The following OCM variants were observed in gnomAD, a reference collection of about 807,000 sequenced individuals.
The protein encoded by OCM is oncomodulin.
Under a neutral mutation model 14.1 loss-of-function variants are expected in OCM, and 18 were observed. The observed-to-expected ratio is 1.28, with a 90% CI of 0.88 to 1.89. The LOEUF (loss-of-function observed/expected upper bound fraction) is 1.89, where lower values mean the gene tolerates loss of function less well. Ranked by LOEUF, OCM falls within the 40% of genes most tolerant of loss-of-function variation. The pLI, the probability that OCM is intolerant of heterozygous loss-of-function variation, is 0.00. For synonymous variants in OCM, 48 were observed against 51.0 expected, an observed-to-expected ratio of 0.94 and a Z score of 0.25; for missense variants, 140 against 137.6, an observed-to-expected ratio of 1.02 and a Z score of -0.09.
the OCM span, among the ~76,000 whole-genome samples, chr7:5,873,027 C>T: frequency 3.9e-5 from 6 of 152,016 alleles, no homozygotes; most frequent in Non-Finnish European, 5.9e-5. Context: ...ACAATCGCAT[C>T]ATTGCACTCC....
At chr7:5,870,967 A>T in the OCM span, among the ~76,000 whole-genome samples, 8 of 150,964 alleles carry the variant, frequency 5.3e-5, no homozygotes, top group African/African-American at 2.0e-4. Context: ...GCTCACCGCA[A>T]CCTCCACCTT....
chr7:5,868,633 CCT>C, the OCM span, among the ~76,000 whole-genome samples: 153 of 152,190 alleles, frequency 1.0e-3, no homozygotes, highest in African/African-American at 3.5e-3. Context: ...AAGGAATTGT[CCT>C]CTCCTGCAGC....
chr7:5,871,066 G>C, the OCM span, among the ~76,000 whole-genome samples: 1 of 151,986 alleles, frequency 6.6e-6, no homozygotes, highest in Non-Finnish European at 1.5e-5. Flanking sequence ...TGCCCAGAAA[G>C]CCAGGCGCAG....
Position 5,880,917 on chromosome 7 carries a change from G to A in OCM, c.28G>A (p.Asp10Asn). MSITDVLSA[D>N]DIAAALQECR... is the part of the protein sequence containing the mutation. ...GAGCATCACGGACGTGCTCAGTGCT[G>A]ACGACATTGCAGCAGCGCTCCAGGA... Residue 10 changes from aspartate to asparagine, a missense_variant, in exon 1 of 4, where the codon GAC becomes AAC. Transcript: ENST00000242104. 6.2e-7 allele frequency: 1 copy of A among 1,614,042 alleles called. No homozygotes were observed. The highest frequency in any genetic ancestry group is 8.5e-7 in the Non-Finnish European group (1 of 1,179,982).
chr7:5,883,645 TCA>T (rs138768089), intron 2 of OCM, among the ~76,000 whole-genome samples: 56,181 of 150,968 alleles, frequency 0.37, 12,150 homozygotes, highest in Middle Eastern at 0.52. Context: ...CATGATGGTA[TCA>T]CTGCATTCCA....
upstream of OCM, chr7:5,880,759 A>G: frequency 1.3e-6 from 1 of 789,830 alleles, no homozygotes; most frequent in Non-Finnish European, 2.0e-6. Context: ...ACTCCGTCTT[A>G]ATTTAAAAAA....
upstream of OCM, among the ~76,000 whole-genome samples, chr7:5,878,496 C>G (rs1220630751): frequency 6.6e-6 from 1 of 151,646 alleles, no homozygotes; most frequent in South Asian, 2.1e-4. Flanking sequence ...CCTGTAATCC[C>G]AGCACTTTGG....
At chr7:5,860,489 G>GTA in the OCM span, among the ~76,000 whole-genome samples, 5 of 96,918 alleles carry the variant, frequency 5.2e-5, no homozygotes, top group East Asian at 3.3e-4. Flanking sequence ...ATATATACGT[G>GTA]TATATATATA....
At chr7:5,881,325 A>G (rs1781213412) in intron 1 of OCM, among the ~76,000 whole-genome samples, 1 of 151,680 alleles carries the variant, frequency 6.6e-6, no homozygotes, top group Non-Finnish European at 1.5e-5. Flanking sequence ...CTACAAAAAA[A>G]AAAAAAAAAA....
chr7:5,870,309 A>G, the OCM span, among the ~76,000 whole-genome samples: 8 of 152,036 alleles, frequency 5.3e-5, no homozygotes, highest in South Asian at 1.7e-3. Flanking sequence ...ATAGAGTCCC[A>G]CTATGTTGCC....
chr7:5,867,214 G>T, the OCM span, among the ~76,000 whole-genome samples: 3,291 of 152,036 alleles, frequency 0.022, 133 homozygotes, highest in African/African-American at 0.076. Flanking sequence ...GATGTCACTC[G>T]GTGCAGTGGC....
chr7:5,875,028 CTATATCTATATCTA>C (rs1781066112), upstream of OCM, among the ~76,000 whole-genome samples: 1 of 149,198 alleles, frequency 6.7e-6, no homozygotes, highest in African/African-American at 2.5e-5. Flanking sequence ...CTGTGTGAAT[CTATATCTATATCTA>C]TATATATATA....
intron 2 of OCM, 98 bp downstream of exon 2, chr7:5,882,723 C>T: frequency 2.8e-6 from 4 of 1,422,620 alleles, no homozygotes; most frequent in Non-Finnish European, 3.8e-6. Context: ...AATGGCCAGC[C>T]TTGGTGTTGG....
chr7:5,860,382 C>T, the OCM span, among the ~76,000 whole-genome samples: 1 of 139,434 alleles, frequency 7.2e-6, no homozygotes, highest in African/African-American at 2.6e-5. Context: ...ATATATATAT[C>T]ATTAGGTATA....
chr7:5,876,096 C>T (rs1208972012), upstream of OCM, among the ~76,000 whole-genome samples: 2 of 152,098 alleles, frequency 1.3e-5, no homozygotes. Context: ...CCTCCACCTC[C>T]CAGGTTCTAA....
chr7:5,863,673 C>T, the OCM span, among the ~76,000 whole-genome samples: 2 of 151,948 alleles, frequency 1.3e-5, no homozygotes, highest in Non-Finnish European at 2.9e-5. Flanking sequence ...GCTGGGATTA[C>T]AGGTGCGCAC....
At chr7:5,872,931 G>A in the OCM span, among the ~76,000 whole-genome samples, 19 of 151,956 alleles carry the variant, frequency 1.3e-4, no homozygotes, top group Non-Finnish European at 1.9e-4. Context: ...GGCTGGGCAC[G>A]GTGGCTCACA....
At chr7:5,864,156 A>C in the OCM span, among the ~76,000 whole-genome samples, 2 of 151,840 alleles carry the variant, frequency 1.3e-5, no homozygotes, top group Admixed American at 1.3e-4. Context: ...CCTGGGCAAC[A>C]TGATGAGATC....
chr7:5,869,325 C>T, the OCM span, among the ~76,000 whole-genome samples: 6 of 151,964 alleles, frequency 3.9e-5, no homozygotes, highest in Non-Finnish European at 7.4e-5. Flanking sequence ...TGGCTGGGCA[C>T]GGTGGCTCAT....
Sources: gnomAD v4.1 joint callset for allele counts (sites outside exome capture counted in the v4.1 genomes callset) on GRCh38, gnomAD v4.1.1 for gene constraint, MANE v1.5 for transcripts, NCBI Gene and HGNC (gene_info 2026-07-23, HGNC 2026-07-21) for gene names.